The following CSMD3 variants were observed in gnomAD, a reference collection of about 807,000 sequenced individuals.
CSMD3 encodes the protein CUB and sushi domain-containing protein 3.
Under a neutral mutation model 435.2 loss-of-function variants are expected in CSMD3, and 177 were observed. That is an observed-to-expected ratio of 0.41 (90% CI 0.36 to 0.46). The LOEUF (loss-of-function observed/expected upper bound fraction) is 0.46, where lower values mean the gene tolerates loss of function less well. CSMD3 is among the 20% of genes least tolerant of loss of function. The pLI, the probability that CSMD3 is intolerant of heterozygous loss-of-function variation, is 0.34. For synonymous variants in CSMD3, 1,656 were observed against 1,520.5 expected (o/e 1.09, Z -2.07); for missense variants, 4,265 against 4,504.6 (o/e 0.95, Z 1.52).
rs1563761432 is a variant in CSMD3, at chr8:113,376,855, C to G, written c.178+59822G>C. The stretch of plus-strand genomic sequence containing the variant: ...TCGCAACAACCGGCCACCTCTGCCC[C>G]TTTCCCGGATGATCTGGAAGATGAA... On this transcript the variant is annotated intron_variant, in intron 1 of 70. Transcript: ENST00000297405. 13 of 1,612,104 alleles carry G rather than the reference C, an allele frequency of 8.1e-6. No individual in the cohort carries two copies. In the Middle Eastern group the frequency reaches 6.6e-4, roughly 82 times the overall value.
At chr8:112,692,174 T>C (rs1445558339) in intron 13 of CSMD3, among the ~76,000 whole-genome samples, 3 of 152,104 alleles carry the variant, frequency 2.0e-5, no homozygotes, top group Middle Eastern at 3.2e-3. Flanking sequence ...TCAGTTTTCT[T>C]TTGGATTATA....
intron 69 of CSMD3, among the ~76,000 whole-genome samples, chr8:112,229,120 C>T (rs989281110): frequency 1.3e-5 from 2 of 151,984 alleles, no homozygotes; most frequent in African/African-American, 4.8e-5. Context: ...GGCAGAGCCC[C>T]GAACTAAGGA....
At chr8:113,198,889 G>A (rs1260495502) in intron 3 of CSMD3, among the ~76,000 whole-genome samples, 1 of 151,054 alleles carries the variant, frequency 6.6e-6, no homozygotes, top group Admixed American at 6.6e-5. Flanking sequence ...GCCAACGTTA[G>A]AGATATTGTA....
intron 4 of CSMD3, among the ~76,000 whole-genome samples, chr8:113,148,912 G>A (rs1289853806): frequency 1.3e-5 from 2 of 151,476 alleles, no homozygotes; most frequent in African/African-American, 4.8e-5. Context: ...ATTTCTACAG[G>A]TATAATCAGT....
At chr8:113,148,410 C>G (rs2091729282) in intron 4 of CSMD3, among the ~76,000 whole-genome samples, 1 of 151,742 alleles carries the variant, frequency 6.6e-6, no homozygotes, top group Non-Finnish European at 1.5e-5. Context: ...TCGTAGAATA[C>G]TGTATCACTT....
intron 13 of CSMD3, among the ~76,000 whole-genome samples, chr8:112,698,250 A>T (rs986780424): frequency 1.7e-4 from 26 of 152,204 alleles, no homozygotes; most frequent in Non-Finnish European, 2.6e-4. Flanking sequence ...GACTACAAAG[A>T]ACCCTAAGGG....
At chr8:112,880,785 C>A (rs2081425563) in intron 10 of CSMD3, among the ~76,000 whole-genome samples, 2 of 151,882 alleles carry the variant, frequency 1.3e-5, no homozygotes, top group Admixed American at 1.3e-4. Context: ...CTTGACTTAC[C>A]TATGTCTAGC....
intron 3 of CSMD3, among the ~76,000 whole-genome samples, chr8:113,186,422 C>A (rs1021540621): frequency 8.6e-5 from 13 of 152,008 alleles, no homozygotes; most frequent in African/African-American, 2.9e-4. Flanking sequence ...AAGTAGCAGC[C>A]TTTCAAACAG....
At position 112,370,089 on chromosome 8, in the gene CSMD3, A is replaced by AGAAGAAGAAGAAGAG. The variant is rs1828239359; in HGVS notation, c.6136+10262_6136+10263insCTCTTCTTCTTCTTC. ...AAGAAGAAGAAGAAGAAGAAGTAGT[A>AGAAGAAGAAGAAGAG]GTAGTAGTAGTAGTCAGGTATTTGT... On this transcript the variant is annotated intron_variant, in intron 38 of 70. Coordinates refer to ENST00000297405, the MANE Select transcript of CSMD3 (RefSeq NM_198123.2). Among the ~76,000 whole-genome samples the AGAAGAAGAAGAAGAG allele has an allele frequency of 1.6e-5, 2 of 123,786 alleles. 1 individual carries two copies. The highest frequency in any genetic ancestry group is 5.6e-4 in the South Asian group (2 of 3,568). The allele number at this position is 123,786 out of a possible 152,430, so 81.2% of individuals were successfully genotyped here.
chr8:112,558,771 T>C (rs1335660868), intron 24 of CSMD3, among the ~76,000 whole-genome samples: 1 of 151,880 alleles, frequency 6.6e-6, no homozygotes, highest in Non-Finnish European at 1.5e-5. Flanking sequence ...GATCATATCA[T>C]CAACATTTTA....
At chr8:113,117,927 G>C (rs1480444) in intron 4 of CSMD3, among the ~76,000 whole-genome samples, 52,082 of 152,020 alleles carry the variant, frequency 0.34, 9,836 homozygotes, top group East Asian at 0.69. Context: ...ATAATATCTA[G>C]GAAGTAAGTA....
At chr8:112,846,583 A>G (rs538769245) in intron 11 of CSMD3, among the ~76,000 whole-genome samples, 3 of 151,776 alleles carry the variant, frequency 2.0e-5, no homozygotes, top group South Asian at 4.2e-4. Flanking sequence ...ATTTTTAAAA[A>G]TTGTTTTGTA....
intron 10 of CSMD3, among the ~76,000 whole-genome samples, chr8:112,881,025 C>T (rs976983062): frequency 2.6e-5 from 4 of 151,908 alleles, no homozygotes; most frequent in Admixed American, 1.3e-4. Flanking sequence ...AATGCAGAGA[C>T]ATTTATTCAT....
At chr8:112,725,630 G>T (rs975612106) in intron 13 of CSMD3, among the ~76,000 whole-genome samples, 5 of 151,762 alleles carry the variant, frequency 3.3e-5, no homozygotes, top group Non-Finnish European at 7.4e-5. Context: ...ATGAAAGGGA[G>T]AATTGGCTAG....
At chr8:113,103,938 T>A (rs563241309) in intron 4 of CSMD3, among the ~76,000 whole-genome samples, 4 of 152,240 alleles carry the variant, frequency 2.6e-5, no homozygotes, top group African/African-American at 9.6e-5. Context: ...ATATTGTAAA[T>A]GTATGACCTT....
chr8:112,498,837 T>TA (rs36031042), intron 30 of CSMD3, among the ~76,000 whole-genome samples: 54,609 of 151,924 alleles, frequency 0.36, 10,054 homozygotes, highest in East Asian at 0.5. Context: ...AGAACAGGAA[T>TA]CAGCTCCAAG....
chr8:112,643,012 T>G, intron 20 of CSMD3, among the ~76,000 whole-genome samples: 1 of 152,160 alleles, frequency 6.6e-6, no homozygotes, highest in East Asian at 1.9e-4. Context: ...ATGAAAATAT[T>G]ATCTTATGAT....
Position 112,621,315 on chromosome 8 carries a change from G to A in CSMD3, c.3715+15502C>T, listed in dbSNP as rs147023073. ...AATAATTGTTAAACCCAGATAGTAC[G>A]TATACAGACATCCTCTGGCAATCTT... On this transcript the variant is annotated intron_variant, in intron 22 of 70. Coordinates refer to ENST00000297405, the MANE Select transcript of CSMD3 (RefSeq NM_198123.2). Among the ~76,000 whole-genome samples, 260 of 152,106 alleles carry A rather than the reference G, an allele frequency of 1.7e-3. 3 individuals carry two copies. Among genetic ancestry groups the A allele is most frequent in the African/African-American group, 6.0e-3 (247 of 41,512 alleles).
chr8:113,391,853 A>G (rs1427697810), intron 1 of CSMD3, among the ~76,000 whole-genome samples: 2 of 152,036 alleles, frequency 1.3e-5, no homozygotes, highest in Non-Finnish European at 2.9e-5. Context: ...AGTAAAAAGG[A>G]AGAGAAAGAT....
Sources: gnomAD v4.1 joint callset for allele counts (sites outside exome capture counted in the v4.1 genomes callset) on GRCh38, gnomAD v4.1.1 for gene constraint, MANE v1.5 for transcripts, NCBI Gene and HGNC (gene_info 2026-07-23, HGNC 2026-07-21) for gene names.